LARGE1: variants seen among roughly 807,000 people sequenced by gnomAD.
LARGE1 encodes the protein xylosyl- and glucuronyltransferase LARGE1.
Under a neutral mutation model 87.6 loss-of-function variants are expected in LARGE1, and 43 were observed. The observed-to-expected ratio is 0.49, with a 90% CI of 0.38 to 0.63. LARGE1 has a LOEUF of 0.63. Among genes scored for constraint, LARGE1 ranks in the 30% least tolerant of loss-of-function variants. LARGE1 has a pLI of 0.00. For synonymous variants in LARGE1, 434 were observed against 394.6 expected, an observed-to-expected ratio of 1.10 and a Z score of -1.18; for missense variants, 802 against 1,000.2, an observed-to-expected ratio of 0.80 and a Z score of 2.67.
rs759028181 is a variant in LARGE1, at chr22:33,804,490, A to G, written c.-82-42932T>C. On this transcript the variant is annotated intron_variant, in intron 1 of 14. Coordinates refer to ENST00000397394, the MANE Select transcript of LARGE1 (RefSeq NM_133642.5). ...TGCAGGTTGACTGCTTGAGACGCAC[A>G]TATCAAAAGGGAGGCTGCAAGAGAT... Among the ~76,000 whole-genome samples the G allele has an allele frequency of 5.9e-5, 9 of 152,312 alleles. No homozygotes were observed. The South Asian group carries it at 6.2e-4, about 11-fold the overall frequency.
At chr22:33,263,385 G>C (rs1343210748) in intron 11 of LARGE1, among the ~76,000 whole-genome samples, 1 of 152,250 alleles carries the variant, frequency 6.6e-6, no homozygotes, top group Admixed American at 6.5e-5. Context: ...AGGTTGAGCA[G>C]GATGAAGGGA....
rs1218549358 is a variant in LARGE1 at position 33,638,205 on chromosome 22, G to A, written c.409-11879C>T. ...TGGGTTATTATGTAAAGTCCATGAA[G>A]ATACAATAGAAAAAGTGCATTAAAA... On this transcript the variant is annotated intron_variant, in intron 3 of 14. Coordinates refer to ENST00000397394, the MANE Select transcript of LARGE1 (RefSeq NM_133642.5). 3.9e-5 allele frequency among the ~76,000 whole-genome samples: 6 copies of A among 152,260 alleles called. No homozygotes were observed. In the East Asian group the frequency reaches 1.2e-3, roughly 29 times the overall value.
At chr22:33,565,780 T>G (rs566393098) in intron 5 of LARGE1, among the ~76,000 whole-genome samples, 3 of 152,196 alleles carry the variant, frequency 2.0e-5, no homozygotes, top group Non-Finnish European at 4.4e-5. Flanking sequence ...GATCCTCACA[T>G]AACATAATGG....
At chr22:33,168,193 C>T (rs1922375906) in intron 11 of LARGE1, among the ~76,000 whole-genome samples, 1 of 152,206 alleles carries the variant, frequency 6.6e-6, no homozygotes, top group Admixed American at 6.5e-5. Context: ...GTACAACCAG[C>T]TGCCAGCAAC....
At chr22:33,831,219 T>C (rs1202860489) in intron 1 of LARGE1, among the ~76,000 whole-genome samples, 1 of 151,976 alleles carries the variant, frequency 6.6e-6, no homozygotes, top group Non-Finnish European at 1.5e-5. Flanking sequence ...GTGCTGGGAT[T>C]ACAGGCATGA....
intron 3 of LARGE1, among the ~76,000 whole-genome samples, chr22:33,644,937 T>C (rs1004684567): frequency 2.0e-5 from 3 of 152,218 alleles, no homozygotes; most frequent in Non-Finnish European, 4.4e-5. Context: ...AAACATTCCA[T>C]GCTCATGGAT....
intron 6 of LARGE1, among the ~76,000 whole-genome samples, chr22:33,477,739 C>G (rs1338555445): frequency 6.6e-6 from 1 of 152,164 alleles, no homozygotes; most frequent in Non-Finnish European, 1.5e-5. Context: ...CTAAGCATTG[C>G]AATTCATCGG....
intron 11 of LARGE1, among the ~76,000 whole-genome samples, chr22:33,235,695 C>A (rs1051791014): frequency 1.3e-5 from 2 of 152,056 alleles, no homozygotes; most frequent in African/African-American, 4.8e-5. Flanking sequence ...TGGCTTGGTT[C>A]CAAGAGGAGA....
intron 10 of LARGE1, among the ~76,000 whole-genome samples, chr22:33,334,534 G>A (rs1428655808): frequency 1.3e-5 from 2 of 152,142 alleles, no homozygotes; most frequent in Non-Finnish European, 2.9e-5. Context: ...TGTCACAGCT[G>A]AGACATTTAA....
At chr22:33,195,370 C>A (rs1490169175) in intron 11 of LARGE1, among the ~76,000 whole-genome samples, 1 of 152,038 alleles carries the variant, frequency 6.6e-6, no homozygotes, top group East Asian at 1.9e-4. Flanking sequence ...CCAATAATTG[C>A]AGAATACATA....
chr22:33,350,065 G>T (rs1393609206), intron 9 of LARGE1, among the ~76,000 whole-genome samples: 2 of 152,122 alleles, frequency 1.3e-5, no homozygotes, highest in Non-Finnish European at 2.9e-5. Flanking sequence ...GGAGGTAGAG[G>T]CTAAGGAGGG....
At chr22:33,879,572 G>A (rs2283956) in intron 1 of LARGE1, among the ~76,000 whole-genome samples, 18,205 of 152,120 alleles carry the variant, frequency 0.12, 1,283 homozygotes, top group East Asian at 0.34. Context: ...TGCTCTTCCT[G>A]TCCTCTGTGC....
intron 4 of LARGE1, among the ~76,000 whole-genome samples, chr22:33,606,963 T>C (rs1407731086): frequency 6.6e-6 from 1 of 152,136 alleles, no homozygotes; most frequent in Non-Finnish European, 1.5e-5. Flanking sequence ...TCTACTTGTC[T>C]ACACCCCCCA....
At chr22:33,218,212 G>T (rs1025321882) in intron 11 of LARGE1, among the ~76,000 whole-genome samples, 1 of 152,178 alleles carries the variant, frequency 6.6e-6, no homozygotes, top group Non-Finnish European at 1.5e-5. Flanking sequence ...TTACAGGCAT[G>T]AGCCACCATG....
At chr22:33,623,024 TA>T (rs1182759867) in intron 4 of LARGE1, among the ~76,000 whole-genome samples, 3 of 152,128 alleles carry the variant, frequency 2.0e-5, no homozygotes, top group African/African-American at 7.2e-5. Context: ...GCAACAGGAA[TA>T]AAATTTATAC....
the LARGE1 span, among the ~76,000 whole-genome samples, chr22:33,102,939 C>T: frequency 4.6e-5 from 7 of 152,058 alleles, no homozygotes; most frequent in South Asian, 2.1e-4. Context: ...AAACAGACCC[C>T]GAAAGAAAAA....
Position 33,626,342 on chromosome 22 carries a change from G to A in LARGE1, c.409-16C>T, listed in dbSNP as rs1569322775. 1 of 1,608,294 alleles carries A rather than the reference G, an allele frequency of 6.2e-7. No homozygotes were observed. Among genetic ancestry groups the A allele is most frequent in the East Asian group, 2.2e-5 (1 of 44,836 alleles). On this transcript the variant is annotated splice_polypyrimidine_tract_variant and intron_variant, in intron 3 of 14. Transcript: ENST00000397394. ...CGTGGATTGTCTGGGAAGAAAAGAAGACGGGGTGAGCAGTCAGACAGACGG... is the reference window on the plus strand; with the variant it reads ...CGTGGATTGTCTGGGAAGAAAAGAAAACGGGGTGAGCAGTCAGACAGACGG...
chr22:33,117,734 C>T, the LARGE1 span, among the ~76,000 whole-genome samples: 1 of 152,068 alleles, frequency 6.6e-6, no homozygotes, highest in South Asian at 2.1e-4. Context: ...ACCAAAATCA[C>T]CTTATTTATT....
chr22:33,521,485 T>C (rs932771007), intron 6 of LARGE1, among the ~76,000 whole-genome samples: 8 of 152,050 alleles, frequency 5.3e-5, no homozygotes, highest in African/African-American at 1.9e-4. Flanking sequence ...GCTCCCAGAG[T>C]GGCAGGGGGA....
Sources: allele counts gnomAD v4.1 joint callset (sites outside exome capture counted in the v4.1 genomes callset), GRCh38; gene constraint gnomAD v4.1.1; transcripts MANE v1.5; gene names NCBI Gene and HGNC (gene_info 2026-07-23, HGNC 2026-07-21).